The following ARHGAP22 variants were observed in gnomAD, a reference collection of about 807,000 sequenced individuals.
ARHGAP22 encodes Rho GTPase activating protein 22.
In ARHGAP22, 48 loss-of-function variants were observed where a neutral mutation model predicts 59.1. The ratio of observed to expected loss-of-function variants is 0.81; its 90% CI spans 0.64 to 1.03. The LOEUF (loss-of-function observed/expected upper bound fraction) is 1.03. ARHGAP22 is among the 50% of genes least tolerant of loss of function. ARHGAP22 has a pLI of 0.00. For missense variants in ARHGAP22, 1,015 were observed against 958.7 expected (o/e 1.06, Z -0.78); for synonymous variants, 445 against 416.4 (o/e 1.07, Z -0.84).
chr10:48,535,878 C>T (rs2055302375), intron 3 of ARHGAP22, among the ~76,000 whole-genome samples: 1 of 152,234 alleles, frequency 6.6e-6, no homozygotes, highest in South Asian at 2.1e-4. Flanking sequence ...AAATGCCCGA[C>T]ACCCTTCCCT....
chr10:48,545,222 T>C (rs562424478), intron 3 of ARHGAP22, among the ~76,000 whole-genome samples: 1 of 152,328 alleles, frequency 6.6e-6, no homozygotes, highest in South Asian at 2.1e-4. Flanking sequence ...CACTAGAAAA[T>C]TTACAACCAC....
At chr10:48,636,686 A>C (rs1440173184) in intron 1 of ARHGAP22, among the ~76,000 whole-genome samples, 1 of 152,204 alleles carries the variant, frequency 6.6e-6, no homozygotes, top group African/African-American at 2.4e-5. Context: ...GTACCAGCTC[A>C]AGACCCATGG....
chr10:48,480,815 C>G (rs2049227867), intron 3 of ARHGAP22, among the ~76,000 whole-genome samples: 1 of 152,250 alleles, frequency 6.6e-6, no homozygotes. Context: ...TGAATGCACA[C>G]AGCGAATGAG....
At chr10:48,642,077 G>A (rs184466196) in intron 1 of ARHGAP22, among the ~76,000 whole-genome samples, 43 of 152,228 alleles carry the variant, frequency 2.8e-4, no homozygotes, top group Non-Finnish European at 5.4e-4. Context: ...ACTGCTCAAC[G>A]AAATAAAAGA....
intron 3 of ARHGAP22, among the ~76,000 whole-genome samples, chr10:48,514,501 C>T (rs1185216174): frequency 6.6e-6 from 1 of 152,108 alleles, no homozygotes; most frequent in Non-Finnish European, 1.5e-5. Context: ...GCAAAACCAT[C>T]ATTCATAAAT....
At position 48,451,138 on chromosome 10, in the gene ARHGAP22, T is replaced by G; in HGVS notation, c.991A>C (p.Thr331Pro). The G allele has an allele frequency of 3.2e-6, 5 of 1,551,696 alleles. No homozygotes were observed. Among genetic ancestry groups the G allele is most frequent in the Non-Finnish European group, 4.4e-6 (5 of 1,147,550 alleles). The change falls in exon 9 of 10, where the codon ACT becomes CCT. Residue 331 changes from threonine to proline, a missense_variant and splice_region_variant. Transcript: ENST00000249601. ...VEDPVTIMEG[T>P]SLVQHLMTVL... ...GTCATCAGGTGCTGGACGAGGGAAG[T>G]GCCTGCCGGGAAGAGAGGCGGAGAA...
chr10:48,484,635 TAAC>T (rs1336142803), intron 3 of ARHGAP22, among the ~76,000 whole-genome samples: 1 of 152,274 alleles, frequency 6.6e-6, no homozygotes, highest in Non-Finnish European at 1.5e-5. Context: ...ATGTTTGTAA[TAAC>T]AAATACAATT....
At chr10:48,592,675 T>G (rs1006029931) in intron 1 of ARHGAP22, among the ~76,000 whole-genome samples, 24 of 152,294 alleles carry the variant, frequency 1.6e-4, no homozygotes, top group Admixed American at 3.9e-4. Context: ...AAGGCCCTCA[T>G]GTGGCTCAAC....
chr10:48,552,857 C>T (rs2057008086), intron 3 of ARHGAP22, among the ~76,000 whole-genome samples: 1 of 152,224 alleles, frequency 6.6e-6, no homozygotes, highest in African/African-American at 2.4e-5. Context: ...TAGCTGAAGC[C>T]TCAGTCAGCA....
At chr10:48,461,286 G>C (rs2047111619) in intron 4 of ARHGAP22, among the ~76,000 whole-genome samples, 1 of 152,200 alleles carries the variant, frequency 6.6e-6, no homozygotes, top group Middle Eastern at 3.2e-3. Flanking sequence ...GTTAGGCCGG[G>C]ACATGGTTCC....
chr10:48,516,763 CTCCGATATCAAAAACCA>C (rs1197998024), intron 3 of ARHGAP22, among the ~76,000 whole-genome samples: 1 of 152,098 alleles, frequency 6.6e-6, no homozygotes, highest in African/African-American at 2.4e-5. Flanking sequence ...GCCAATAGTC[CTCCGATATCAAAAACCA>C]AGACATCACA....
chr10:48,435,238 T>TG, the ARHGAP22 span: 52 of 446,476 alleles, frequency 1.2e-4, no homozygotes, highest in Non-Finnish European at 1.8e-4. Flanking sequence ...AACTGTATTG[T>TG]ATTTTTTTTG....
intron 3 of ARHGAP22, among the ~76,000 whole-genome samples, chr10:48,496,726 T>C (rs1342957024): frequency 2.6e-5 from 4 of 152,176 alleles, no homozygotes; most frequent in Non-Finnish European, 5.9e-5. Context: ...AGGAAGTCTG[T>C]ACTGCCGTGT....
intron 1 of ARHGAP22, among the ~76,000 whole-genome samples, chr10:48,650,727 C>T (rs1046087480): frequency 2.0e-5 from 3 of 152,206 alleles, no homozygotes; most frequent in African/African-American, 7.2e-5. Flanking sequence ...GAACCTCCTA[C>T]AAAAGCAAGT....
intron 2 of ARHGAP22, among the ~76,000 whole-genome samples, chr10:48,558,479 C>T (rs2057466918): frequency 6.6e-6 from 1 of 152,006 alleles, no homozygotes; most frequent in Non-Finnish European, 1.5e-5. Context: ...CCTCCCACCT[C>T]GACCTCTATT....
In ARHGAP22 at chr10:48,450,415, C is replaced by G; in HGVS notation, c.1714G>C (p.Glu572Gln). ...KSLDLDHSMD[E>Q]AGAGASNSEP... ...CTGTTGCTGGCACCCGCGCCCGCCTCGTCCATGCTGTGGTCCAGGTCCAGG... is the reference window on the plus strand; with the variant it reads ...CTGTTGCTGGCACCCGCGCCCGCCTGGTCCATGCTGTGGTCCAGGTCCAGG... Residue 572 changes from glutamate (E) to glutamine (Q), a missense_variant, in exon 9 of 10, where the codon GAG becomes CAG. By Grantham distance (29) the Glu-to-Gln change is conservative (BLOSUM62 2). Coordinates refer to ENST00000249601, the MANE Select transcript of ARHGAP22 (RefSeq NM_021226.4). The G allele has an allele frequency of 6.4e-7, 1 of 1,569,944 alleles. No homozygotes were observed.
intron 1 of ARHGAP22, among the ~76,000 whole-genome samples, chr10:48,597,953 C>G (rs1317709410): frequency 6.6e-6 from 1 of 152,208 alleles, no homozygotes; most frequent in African/African-American, 2.4e-5. Flanking sequence ...TCCAAGGTGG[C>G]CTCCTGGCCC....
Position 48,448,578 on chromosome 10 carries a change from G to A in ARHGAP22, c.1868+1683C>T, listed in dbSNP as rs1469399766. Among the ~76,000 whole-genome samples the A allele has an allele frequency of 4.6e-5, 7 of 152,170 alleles. No homozygotes were observed. The South Asian group carries it at 8.3e-4, about 18-fold the overall frequency. ...GCTCTGACCAGAGTCCTGGGAGCCAGGACAAGGCCAGCCTCACCCCACCCC... is the reference window on the plus strand; with the variant it reads ...GCTCTGACCAGAGTCCTGGGAGCCAAGACAAGGCCAGCCTCACCCCACCCC... On this transcript the variant is annotated intron_variant, in intron 9 of 9. Transcript: ENST00000249601.
intron 3 of ARHGAP22, among the ~76,000 whole-genome samples, chr10:48,549,844 C>T (rs1472068528): frequency 6.6e-6 from 1 of 152,174 alleles, no homozygotes; most frequent in East Asian, 1.9e-4. Context: ...GGCAGCCTCT[C>T]CACCTTGGAC....
Sources: gnomAD v4.1 joint callset for allele counts (sites outside exome capture counted in the v4.1 genomes callset) on GRCh38, gnomAD v4.1.1 for gene constraint, MANE v1.5 for transcripts, NCBI Gene and HGNC (gene_info 2026-07-23, HGNC 2026-07-21) for gene names.